ZNF345: variants seen among roughly 807,000 people sequenced by gnomAD.
ZNF345 encodes zinc finger protein HZF10.
For missense variants in ZNF345, 527 were observed against 589.9 expected (o/e 0.89, Z 1.10); for synonymous variants, 166 against 187.9 (o/e 0.88, Z 0.95).
rs2072952540 is a variant in ZNF345 at position 36,879,361 on chromosome 19, AT to A, written c.*1065del. 6.0e-6 allele frequency: 1 copy of A among 167,234 alleles called. No individual in the cohort carries two copies. The highest frequency in any genetic ancestry group is 2.1e-4 in the South Asian group (1 of 4,834). 10.4% of individuals were successfully genotyped at this position (167,234 alleles called of 1,614,324 possible). On this transcript the variant is annotated 3_prime_UTR_variant, in exon 3 of 3. Coordinates refer to ENST00000420450, the MANE Select transcript of ZNF345 (RefSeq NM_001242472.2). ...ATGGTTACCTGTAATCTTACCAATCATAGATAATCACTGTCAAACTTTTGGA... is the reference window on the plus strand; with the variant it reads ...ATGGTTACCTGTAATCTTACCAATCAAGATAATCACTGTCAAACTTTTGGA...
In ZNF345 at chr19:36,859,087, C is replaced by CT. The variant is rs201550184; in HGVS notation, c.-47+7188dup. ...CATACCACGTTTAATCAGCAGTCTT[C>CT]TTTTTAAAAAAAAAAAAAAACTTTC... is the stretch of plus-strand genomic sequence containing the variant. On this transcript the variant is annotated intron_variant, in intron 2 of 2. Coordinates refer to ENST00000420450, the MANE Select transcript of ZNF345 (RefSeq NM_001242472.2). Among the ~76,000 whole-genome samples, 315 of 137,316 alleles carry CT rather than the reference C, an allele frequency of 2.3e-3. 1 individual carries two copies. The highest frequency in any genetic ancestry group is 8.6e-3 in the South Asian group (37 of 4,280). 90.1% of individuals were successfully genotyped at this position (137,316 alleles called of 152,430 possible).
intron 2 of ZNF345, among the ~76,000 whole-genome samples, chr19:36,855,507 T>G (rs1297334234): frequency 7.6e-6 from 1 of 132,332 alleles, no homozygotes; most frequent in African/African-American, 2.9e-5. Flanking sequence ...CAGGCTGGAG[T>G]GCAATGATGT....
intron 2 of ZNF345, among the ~76,000 whole-genome samples, chr19:36,868,732 TCTC>T (rs757460908): frequency 4.0e-5 from 6 of 150,754 alleles, no homozygotes; most frequent in Non-Finnish European, 8.9e-5. Flanking sequence ...TTCTAACAAT[TCTC>T]CTGCCTCAGG....
chr19:36,874,101 C>T (rs866738762), intron 2 of ZNF345, among the ~76,000 whole-genome samples: 1 of 152,186 alleles, frequency 6.6e-6, no homozygotes, highest in African/African-American at 2.4e-5. Context: ...AAACCGTACA[C>T]TTTTTTATAC....
chr19:36,879,273 T>C lies in ZNF345; in HGVS notation c.*976T>C, dbSNP rs2072951019. 6.0e-6 allele frequency: 1 copy of C among 167,112 alleles called. No homozygotes were observed. Among genetic ancestry groups the C allele is most frequent in the Admixed American group, 6.5e-5 (1 of 15,290 alleles). The allele number at this position is 167,112 out of a possible 1,614,324, so 10.4% of individuals were successfully genotyped here. The stretch of plus-strand genomic sequence containing the variant: ...TGTTTACTTTCCTTTTATAAAATTA[T>C]ACTCTCCATTTTAGCAAAACAGCTT... On this transcript the variant is annotated 3_prime_UTR_variant, in exon 3 of 3. Coordinates refer to ENST00000420450, the MANE Select transcript of ZNF345 (RefSeq NM_001242472.2).
chr19:36,882,300 G>C (rs1482019718), downstream of ZNF345, among the ~76,000 whole-genome samples: 1 of 151,590 alleles, frequency 6.6e-6, no homozygotes, highest in African/African-American at 2.4e-5. Context: ...ATGGAGTCTC[G>C]CTCTGTCACC....
In ZNF345 at chr19:36,877,433, T is replaced by G. The variant is rs758676784; in HGVS notation, c.603T>G (p.Pro201=). ...RHHRIHTGEK[P]YECIDCGKAF... ...ACAGAATTCACACAGGTGAGAAACC[T>G]TATGAATGTATAGATTGTGGTAAAG... Residue 201 remains proline (P), a synonymous_variant, in exon 3 of 3, where the codon CCT becomes CCG. Transcript: ENST00000420450. The G allele has an allele frequency of 6.2e-6, 10 of 1,613,612 alleles. No individual in the cohort carries two copies. In the East Asian group the frequency reaches 8.9e-5, roughly 14 times the overall value.
At chr19:36,855,142 C>T (rs1246932765) in intron 2 of ZNF345, among the ~76,000 whole-genome samples, 3 of 138,062 alleles carry the variant, frequency 2.2e-5, no homozygotes, top group Non-Finnish European at 3.1e-5. Context: ...TGAGCCACCA[C>T]GCCCAGCCTT....
intron 2 of ZNF345, among the ~76,000 whole-genome samples, chr19:36,873,813 T>A (rs1456342770): frequency 6.6e-6 from 1 of 152,210 alleles, no homozygotes; most frequent in African/African-American, 2.4e-5. Flanking sequence ...GCAGGATCTC[T>A]TTCTTTTCAA....
downstream of ZNF345, among the ~76,000 whole-genome samples, chr19:36,883,923 G>A (rs1326093743): frequency 2.0e-5 from 3 of 152,128 alleles, no homozygotes; most frequent in African/African-American, 7.2e-5. Flanking sequence ...TCAGACACCA[G>A]GCACAAGTTC....
rs769617626 is a variant in ZNF345, at chr19:36,876,877, G to A, written c.47G>A (p.Gly16Asp). The change falls in exon 3 of 3, where the codon GGT becomes GAT. Residue 16 changes from glycine to aspartate, a missense_variant. Gly to Asp is a moderately conservative substitution (Grantham distance 94, BLOSUM62 -1). Transcript: ENST00000420450. ...AGCATTGAGTGTTCAAGTTTCAGAG[G>A]TGATTGGGAATGTAAAAACCAGTTT... ...KHSIECSSFRGDWECKNQFER... is the reference protein window; with the variant it reads ...KHSIECSSFRDDWECKNQFER... The A allele has an allele frequency of 8.7e-6, 14 of 1,613,894 alleles. No homozygotes were observed. The highest frequency in any genetic ancestry group is 1.0e-5 in the Non-Finnish European group (12 of 1,179,898).
At chr19:36,857,446 A>G (rs2072445173) in intron 2 of ZNF345, among the ~76,000 whole-genome samples, 1 of 151,996 alleles carries the variant, frequency 6.6e-6, no homozygotes, top group Non-Finnish European at 1.5e-5. Context: ...AGCTGGGACT[A>G]CAGGCGCCCG....
chr19:36,869,123 C>T (rs2072724308), intron 2 of ZNF345, among the ~76,000 whole-genome samples: 1 of 152,080 alleles, frequency 6.6e-6, no homozygotes, highest in South Asian at 2.1e-4. Flanking sequence ...CATACAGTCC[C>T]CAGTAAATCT....
intron 3 of ZNF345, chr19:36,891,269 G>A (rs1845933368): frequency 2.4e-5 from 11 of 461,896 alleles, no homozygotes; most frequent in Admixed American, 3.9e-5. Context: ...GAACCAAAAC[G>A]ATCAGCACCC....
chr19:36,879,889 A>G (rs1187559635), downstream of ZNF345, among the ~76,000 whole-genome samples: 1 of 152,242 alleles, frequency 6.6e-6, no homozygotes, highest in Non-Finnish European at 1.5e-5. Context: ...CATCACTATT[A>G]TCTTCTCAAG....
intron 2 of ZNF345, among the ~76,000 whole-genome samples, chr19:36,871,482 T>C (rs184473790): frequency 6.6e-6 from 1 of 152,292 alleles, no homozygotes; most frequent in Admixed American, 6.5e-5. Context: ...CATTTTACCA[T>C]TAATAATTTT....
intron 3 of ZNF345, chr19:36,892,541 G>A: frequency 7.0e-7 from 1 of 1,428,620 alleles, no homozygotes; most frequent in South Asian, 1.4e-5. Context: ...AAAAGAAATG[G>A]GAGAATTAAA....
Position 36,855,428 on chromosome 19 carries a change from G to A in ZNF345, c.-47+3524G>A, listed in dbSNP as rs887721953. On this transcript the variant is annotated intron_variant, in intron 2 of 2. Transcript: ENST00000420450. ...CTCCCAAAGTGCTGGGATTACAGGC[G>A]TGAGCCACCGAGCCTGGCCTTTTTT... Among the ~76,000 whole-genome samples the A allele has an allele frequency of 1.6e-3, 241 of 146,970 alleles. 1 individual carries two copies. The highest frequency in any genetic ancestry group is 5.8e-3 in the African/African-American group (232 of 39,758).
exon 4 of ZNF345, chr19:36,892,936 G>A: frequency 1.2e-6 from 1 of 810,778 alleles, no homozygotes; most frequent in East Asian, 3.3e-5. Context: ...GGGCCATGGA[G>A]GAGGACAGGC....
Sources: allele counts gnomAD v4.1 joint callset (sites outside exome capture counted in the v4.1 genomes callset), GRCh38; gene constraint gnomAD v4.1.1; transcripts MANE v1.5; gene names NCBI Gene and HGNC (gene_info 2026-07-23, HGNC 2026-07-21).